The following AFTPH variants were observed in gnomAD, a reference collection of about 807,000 sequenced individuals.
The protein encoded by AFTPH is aftiphilin, also known as aftiphilin protein.
In AFTPH, 7 loss-of-function variants were observed where a neutral mutation model predicts 72.5. The observed-to-expected ratio is 0.10, with a 90% confidence interval of 0.05 to 0.18. The LOEUF (loss-of-function observed/expected upper bound fraction) is 0.18, where lower values mean the gene tolerates loss of function less well. AFTPH is among the 10% of genes least tolerant of loss of function. The pLI is 1.00. For synonymous variants in AFTPH, 337 were observed against 370.1 expected, an observed-to-expected ratio of 0.91 and a Z score of 1.03; for missense variants, 979 against 1,060.5, an observed-to-expected ratio of 0.92 and a Z score of 1.07.
intron 1 of AFTPH, among the ~76,000 whole-genome samples, chr2:64,537,097 T>C (rs1198323066): frequency 6.7e-6 from 1 of 150,268 alleles, no homozygotes; most frequent in East Asian, 1.9e-4. Context: ...TTTACACACT[T>C]CCTTATTAAT....
chr2:64,536,679 G>A (rs894815686), intron 1 of AFTPH, among the ~76,000 whole-genome samples: 18 of 151,594 alleles, frequency 1.2e-4, no homozygotes, highest in African/African-American at 3.4e-4. Flanking sequence ...CCAGCAGGGC[G>A]TGGTGACTCA....
chr2:64,566,153 C>A (rs1244209395), intron 2 of AFTPH, among the ~76,000 whole-genome samples: 3 of 152,138 alleles, frequency 2.0e-5, no homozygotes, highest in African/African-American at 7.2e-5. Context: ...AATGTCTGTC[C>A]GTTCTCTCTG....
rs568064691 is a variant in AFTPH at position 64,592,006 on chromosome 2, A to G, written c.2701A>G (p.Thr901Ala). ...GTTCCCAGCCACGTTAACACCTTCCACAAGCTCTCAAGAAAAAGCAGACGG... is the reference window on the plus strand; with the variant it reads ...GTTCCCAGCCACGTTAACACCTTCCGCAAGCTCTCAAGAAAAAGCAGACGG... Residue 901 changes from threonine (T) to alanine (A), a missense_variant, in exon 9 of 9, where the codon ACA (threonine) becomes GCA (alanine). Coordinates refer to ENST00000238856, the Ensembl canonical transcript of AFTPH. 1.7e-5 allele frequency: 27 copies of G among 1,613,912 alleles called. No homozygotes were observed. In the South Asian group the frequency reaches 3.0e-4, roughly 18 times the overall value.
chr2:64,572,819 C>G, intron 5 of AFTPH, 127 bp from the exon 6 acceptor site: 1 of 1,187,558 alleles, frequency 8.4e-7, no homozygotes, highest in Non-Finnish European at 1.2e-6. Context: ...AAAAAAAAGA[C>G]TAGTTCCTTT....
chr2:64,586,308 T>C (rs1217463432), intron 8 of AFTPH, among the ~76,000 whole-genome samples: 1 of 152,368 alleles, frequency 6.6e-6, no homozygotes, highest in East Asian at 1.9e-4. Context: ...AAATCTGTGA[T>C]GCATCAGCAT....
chr2:64,537,434 A>C (rs553926915), intron 1 of AFTPH, among the ~76,000 whole-genome samples: 267 of 152,352 alleles, frequency 1.8e-3, no homozygotes, highest in Non-Finnish European at 3.0e-3. Context: ...ATAAAAGTTT[A>C]AAAAATTAAA....
rs1048325440 is a variant in AFTPH, at chr2:64,580,864, G to A, written c.2455+1318G>A. On this transcript the variant is annotated intron_variant, in intron 7 of 8. Transcript: ENST00000238856. Reference sequence around the variant, plus strand: ...GATTAAAGTATTGTTTCCCTTTAACGGGTACGCATTCCTTTCGGTCTTTCT... The same window carrying A: ...GATTAAAGTATTGTTTCCCTTTAACAGGTACGCATTCCTTTCGGTCTTTCT... The A allele has an allele frequency of 1.9e-4, 32 of 166,378 alleles. No homozygotes were observed. The Middle Eastern group carries it at 0.021, about 111-fold the overall frequency. 10.3% of individuals were successfully genotyped at this position (166,378 alleles called of 1,614,324 possible). A position where few individuals can be genotyped will look rare whatever the true frequency, so the allele number is the denominator to read the frequency against.
At chr2:64,537,370 G>A (rs944952499) in intron 1 of AFTPH, among the ~76,000 whole-genome samples, 3 of 152,036 alleles carry the variant, frequency 2.0e-5, no homozygotes, top group African/African-American at 4.8e-5. Flanking sequence ...CCAAACCCCC[G>A]TGACACTCAA....
At chr2:64,581,341 C>T (rs1285434979) in intron 7 of AFTPH, 68 bp downstream of exon 8, 2 of 1,310,728 alleles carry the variant, frequency 1.5e-6, no homozygotes, top group Non-Finnish European at 2.1e-6. Flanking sequence ...ACTTGACTTT[C>T]CTATAAACAA....
chr2:64,587,933 G>T (rs1673604595), intron 8 of AFTPH, among the ~76,000 whole-genome samples: 1 of 151,638 alleles, frequency 6.6e-6, no homozygotes, highest in Non-Finnish European at 1.5e-5. Context: ...GCAGGTCAAA[G>T]AAATTTTATT....
chr2:64,579,869 G>T (rs766623103), intron 7 of AFTPH: 6 of 214,486 alleles, frequency 2.8e-5, no homozygotes, highest in Non-Finnish European at 5.5e-5. Flanking sequence ...ATTTTTTTCT[G>T]TAAGTTTTAA....
At chr2:64,540,332 T>C (rs1034090406) in intron 1 of AFTPH, among the ~76,000 whole-genome samples, 4 of 152,200 alleles carry the variant, frequency 2.6e-5, no homozygotes, top group African/African-American at 9.6e-5. Flanking sequence ...TCCAATGTTA[T>C]GTATTCAATT....
At chr2:64,575,214 A>AT (rs1672690040) in intron 6 of AFTPH, among the ~76,000 whole-genome samples, 1 of 152,206 alleles carries the variant, frequency 6.6e-6, no homozygotes, top group Non-Finnish European at 1.5e-5. Flanking sequence ...TGGACTTGAC[A>AT]AAAAAGTAGT....
intron 7 of AFTPH, among the ~76,000 whole-genome samples, chr2:64,583,937 T>C (rs936009574): frequency 3.3e-5 from 5 of 152,142 alleles, no homozygotes; most frequent in African/African-American, 1.2e-4. Flanking sequence ...TTTTTAATTT[T>C]TTAATATGTT....
chr2:64,588,915 CT>C (rs1454889144), intron 8 of AFTPH, among the ~76,000 whole-genome samples: 1 of 152,030 alleles, frequency 6.6e-6, no homozygotes, highest in African/African-American at 2.4e-5. Context: ...GATAATTTGT[CT>C]TTTTATTGTT....
At chr2:64,547,006 G>A (rs1670677630) in intron 1 of AFTPH, among the ~76,000 whole-genome samples, 3 of 152,058 alleles carry the variant, frequency 2.0e-5, no homozygotes, top group Non-Finnish European at 2.9e-5. Context: ...CCGAGATCGT[G>A]CCACTGCACT....
In AFTPH at chr2:64,524,410, G is replaced by GA; in HGVS notation, c.-235_-234insA. 1 of 405,140 alleles carries GA rather than the reference G, an allele frequency of 2.5e-6. No individual in the cohort carries two copies. Among genetic ancestry groups the GA allele is most frequent in the Non-Finnish European group, 4.3e-6 (1 of 230,226 alleles). The allele number at this position is 405,140 out of a possible 1,614,324, so 25.1% of individuals were successfully genotyped here. Reference sequence around the variant, plus strand: ...GAGGCGGCGGCGGCGGCGGAAGAGGGCGGAGGGTAGTGGGATGGGGGTCCC... The same window carrying GA: ...GAGGCGGCGGCGGCGGCGGAAGAGGGACGGAGGGTAGTGGGATGGGGGTCCC... On this transcript the variant is annotated 5_prime_UTR_variant, in exon 1 of 9. It introduces an in-frame stop codon into an upstream open reading frame of the 5' UTR. Coordinates refer to ENST00000238856, the Ensembl canonical transcript of AFTPH.
intron 1 of AFTPH, among the ~76,000 whole-genome samples, chr2:64,525,088 A>G (rs187825715): frequency 6.6e-6 from 1 of 152,288 alleles, no homozygotes; most frequent in East Asian, 1.9e-4. Context: ...GCTGCTTCCA[A>G]GGGTCTCTGA....
chr2:64,562,885 A>G lies in AFTPH; in HGVS notation c.1936-4677A>G, dbSNP rs2104005849. On this transcript the variant is annotated intron_variant, in intron 2 of 8. Transcript: ENST00000238856. ...CTTATACTGCCTTACGTGCCTAAGG[A>G]AACTAGAGCTCAGCCAGTGTCACTT... 2.0e-5 allele frequency among the ~76,000 whole-genome samples: 3 copies of G among 152,322 alleles called. No homozygotes were observed. In the South Asian group the frequency reaches 6.2e-4, roughly 32 times the overall value.
Sources: gnomAD v4.1 joint callset for allele counts (sites outside exome capture counted in the v4.1 genomes callset) on GRCh38, gnomAD v4.1.1 for gene constraint, MANE v1.5 for transcripts, NCBI Gene and HGNC (gene_info 2026-07-23, HGNC 2026-07-21) for gene names.